XPC: variants seen among roughly 807,000 people sequenced by gnomAD.
The protein encoded by XPC is XPC complex subunit, DNA damage recognition and repair factor.
XPC carries 76 observed loss-of-function variants against 95.8 expected under a neutral mutation model. The observed-to-expected ratio is 0.79, with a 90% confidence interval of 0.66 to 0.96. The LOEUF is 0.96. Ranked by LOEUF, XPC falls within the 40% of genes least tolerant of loss-of-function variation. XPC has a pLI of 0.00. For missense variants in XPC, 1,146 were observed against 1,179.8 expected (o/e 0.97, Z 0.42); for synonymous variants, 442 against 442.1 (o/e 1.00, Z 0.00).
intron 15 of XPC, 87 bp downstream of exon 15, chr3:14,147,203 G>A: frequency 1.5e-6 from 2 of 1,369,900 alleles, no homozygotes; most frequent in Non-Finnish European, 2.0e-6. Flanking sequence ...CTTGAGGCTG[G>A]GGCAGAATCT....
intron 9 of XPC, 121 bp downstream of exon 9, chr3:14,157,890 T>C: frequency 7.3e-7 from 1 of 1,364,066 alleles, no homozygotes; most frequent in Non-Finnish European, 9.9e-7. Context: ...CTGTGACAAT[T>C]AAATGAGACA....
intron 11 of XPC, chr3:14,151,928 G>A (rs1156303218): frequency 5.9e-6 from 1 of 169,016 alleles, no homozygotes; most frequent in Non-Finnish European, 1.3e-5. Context: ...GGCTTTTGAG[G>A]CAACAGAGAT....
Position 14,170,482 on chromosome 3 carries a change from T to C in XPC, c.368A>G (p.Asn123Ser), listed in dbSNP as rs748484638. 7.4e-6 allele frequency: 12 copies of C among 1,613,890 alleles called. No homozygotes were observed. The highest frequency in any genetic ancestry group is 2.2e-5 in the East Asian group (1 of 44,866). Residue 123 changes from asparagine to serine, a missense_variant, in exon 3 of 16, where the codon AAT (asparagine) becomes AGT (serine). By Grantham distance (46) the Asn-to-Ser change is conservative. Transcript: ENST00000285021. ...ATTTTCACTTTCTTCCTCTTCTTCATTGCTGTCTTCATTCATGGTAGCCCC... is the reference window on the plus strand; with the variant it reads ...ATTTTCACTTTCTTCCTCTTCTTCACTGCTGTCTTCATTCATGGTAGCCCC... ...KRGATMNEDS[N>S]EEEEESENDW... is the part of the protein sequence containing the mutation.
chr3:14,158,451 C>T lies in XPC; in HGVS notation c.1432G>A (p.Ala478Thr). The change falls in exon 9 of 16, where the codon GCT becomes ACT. Residue 478 changes from alanine (A) to threonine (T), a missense_variant. Transcript: ENST00000285021. This position sits in a 1 kb window ranked among gnomAD's most constrained non-coding sequence, Gnocchi z 5.2. ...GTCCTGGAGGCACTCTTGGACCCAG[C>T]CTTTGTCCTCTGAGGAGCGGGGGCT... The part of the protein sequence containing the change: ...RKAPAPQRTK[A>T]GSKSASRTHR... 1 of 1,613,562 alleles carries T rather than the reference C, an allele frequency of 6.2e-7. No individual in the cohort carries two copies. Among genetic ancestry groups the T allele is most frequent in the Non-Finnish European group, 8.5e-7 (1 of 1,179,666 alleles).
intron 11 of XPC, 92 bp downstream of exon 11, chr3:14,152,243 G>A (rs1695720564): frequency 1.8e-6 from 2 of 1,090,272 alleles, no homozygotes; most frequent in South Asian, 1.4e-5. Flanking sequence ...GCAGGACTGG[G>A]AGGCTCATCA....
In XPC at chr3:14,165,583, A is replaced by G. The variant is rs1235717016; in HGVS notation, c.624T>C (p.Val208=). The change falls in exon 6 of 16, where the codon GTT becomes GTC. Residue 208 remains valine (V), a splice_region_variant and synonymous_variant. Coordinates refer to ENST00000285021, the MANE Select transcript of XPC (RefSeq NM_004628.5). Reference sequence around the variant, plus strand: ...CATTTGCTAGCAGGCAGAGAAGGTGAACCTGTGAAGAGGAAAGGAGGAAGG... The same window carrying G: ...CATTTGCTAGCAGGCAGAGAAGGTGGACCTGTGAAGAGGAAAGGAGGAAGG... The part of the protein sequence containing the change: ...NKGVHEDTHK[V]HLLCLLANGF... 6.2e-7 allele frequency: 1 copy of G among 1,613,262 alleles called. No individual in the cohort carries two copies. The highest frequency in any genetic ancestry group is 1.3e-5 in the African/African-American group (1 of 74,928).
chr3:14,178,583 C>G lies in XPC; in HGVS notation c.-15G>C, dbSNP rs781224713. 1 of 1,612,472 alleles carries G rather than the reference C, an allele frequency of 6.2e-7. No homozygotes were observed. Among genetic ancestry groups the G allele is most frequent in the Middle Eastern group, 1.6e-4 (1 of 6,062 alleles). ...TTCCGAGCCATGTTGCTTGTCTGGG[C>G]AAATTCCACTTCGCGAGTGACGCAC... On this transcript the variant is annotated 5_prime_UTR_variant, in exon 1 of 16. Transcript: ENST00000285021.
chr3:14,149,582 C>G (rs552173646), intron 11 of XPC: 2 of 152,338 alleles, frequency 1.3e-5, no homozygotes, highest in African/African-American at 4.8e-5. Context: ...GTGCCTGTCT[C>G]CTGAGTAGCT....
At position 14,152,352 on chromosome 3, in the gene XPC, C is replaced by T; in HGVS notation, c.2098G>A (p.Gly700Arg). The T allele has an allele frequency of 6.2e-7, 1 of 1,613,170 alleles. No homozygotes were observed. The highest frequency in any genetic ancestry group is 8.5e-7 in the Non-Finnish European group (1 of 1,179,604). The change falls in exon 11 of 16, where the codon GGA becomes AGA. Residue 700 changes from glycine to arginine, a missense_variant. By Grantham distance (125) the Gly-to-Arg change is moderately radical (BLOSUM62 -2). Coordinates refer to ENST00000285021, the MANE Select transcript of XPC (RefSeq NM_004628.5). ...WLKKARVVRL[G>R]EVPYKMVKGF... is the part of the protein sequence containing the mutation. ...CCAGTTACCTTGTAGGGTACTTCTCCAAGCCTCACCACTCTTGCTTTCTTC... is the reference window on the plus strand; with the variant it reads ...CCAGTTACCTTGTAGGGTACTTCTCTAAGCCTCACCACTCTTGCTTTCTTC...
chr3:14,156,331 G>A lies in XPC; in HGVS notation c.2033+4C>T, dbSNP rs753195190. The A allele has an allele frequency of 1.6e-5, 25 of 1,608,468 alleles. No homozygotes were observed. Among genetic ancestry groups the A allele is most frequent in the East Asian group, 4.5e-5 (2 of 44,796 alleles). On this transcript the variant is annotated splice_donor_region_variant and intron_variant, in intron 10 of 15. Transcript: ENST00000285021. ...CCTGAGGCCAACCAGGCTGCCTCAC[G>A]CACCTGGAGTAGACCGCTTCTCCAC...
At chr3:14,165,014 G>C (rs1188745292) in intron 6 of XPC, 81 bp from the exon 7 acceptor site, 16 of 1,535,478 alleles carry the variant, frequency 1.0e-5, no homozygotes, top group Non-Finnish European at 1.4e-5. Context: ...AATAAAAAGA[G>C]GGAGTGAATC....
At chr3:14,167,074 G>T in intron 5 of XPC, 95 bp downstream of exon 5, 2 of 1,125,376 alleles carry the variant, frequency 1.8e-6, no homozygotes, top group Non-Finnish European at 1.2e-6. Context: ...ACTTGCCATG[G>T]CCACAGAGCA....
At chr3:14,154,018 G>T (rs1299679968) in intron 10 of XPC, among the ~76,000 whole-genome samples, 1 of 152,222 alleles carries the variant, frequency 6.6e-6, no homozygotes, top group Non-Finnish European at 1.5e-5. Context: ...CAGGTAGGCA[G>T]CATCTGGACA....
chr3:14,168,151 T>C, intron 4 of XPC, 106 bp downstream of exon 4: 1 of 1,420,908 alleles, frequency 7.0e-7, no homozygotes, highest in Non-Finnish European at 9.3e-7. Context: ...CTCGACCACT[T>C]TGATACTCAG....
At chr3:14,169,066 A>C (rs1299135859) in intron 3 of XPC, among the ~76,000 whole-genome samples, 1 of 152,234 alleles carries the variant, frequency 6.6e-6, no homozygotes, top group East Asian at 1.9e-4. Flanking sequence ...TCTCTATTAA[A>C]ATGAACCACA....
intron 5 of XPC, 120 bp from the exon 6 acceptor site, chr3:14,165,705 T>C: frequency 1.6e-6 from 2 of 1,257,430 alleles, no homozygotes; most frequent in Non-Finnish European, 1.1e-6. Context: ...TTTCTACATA[T>C]AAGAAAGTAA....
At chr3:14,178,261 C>A in intron 1 of XPC, 1 of 582,676 alleles carries the variant, frequency 1.7e-6, no homozygotes, top group East Asian at 3.2e-5. Flanking sequence ...TCGGGCGAAG[C>A]TCGCGGGAAA....
At position 14,145,451 on chromosome 3, in the gene XPC, G is replaced by A. The variant is rs1231282658; in HGVS notation, c.*490C>T. ...GGCAGCATTAGTAAGCCTGACTCAG[G>A]GGAAGGTAAGTGGCCTGCAGAGAAA... On this transcript the variant is annotated 3_prime_UTR_variant, in exon 16 of 16. Coordinates refer to ENST00000285021, the MANE Select transcript of XPC (RefSeq NM_004628.5). The A allele has an allele frequency of 1.4e-6, 1 of 694,882 alleles. No individual in the cohort carries two copies. Among genetic ancestry groups the A allele is most frequent in the Admixed American group, 2.0e-5 (1 of 49,790 alleles). 43.0% of individuals were successfully genotyped at this position (694,882 alleles called of 1,614,324 possible).
chr3:14,146,924 C>T (rs1353862731), intron 15 of XPC, among the ~76,000 whole-genome samples: 1 of 152,206 alleles, frequency 6.6e-6, no homozygotes, highest in East Asian at 1.9e-4. Context: ...CGGGCCACTG[C>T]AGGCCTGCAG....
Sources: allele counts gnomAD v4.1 joint callset (sites outside exome capture counted in the v4.1 genomes callset), GRCh38; gene constraint gnomAD v4.1.1; non-coding constraint Gnocchi (gnomAD v3.1); transcripts MANE v1.5; gene names NCBI Gene and HGNC (gene_info 2026-07-23, HGNC 2026-07-21).